TENM4: variants seen among roughly 807,000 people sequenced by gnomAD.
TENM4 encodes teneurin transmembrane protein 4.
A neutral mutation model predicts 243.3 loss-of-function variants in TENM4; 82 were observed. The observed-to-expected ratio is 0.34, with a 90% CI of 0.28 to 0.40. TENM4 has a LOEUF of 0.40. Among genes scored for constraint, TENM4 ranks in the 10% least tolerant of loss-of-function variants. The pLI is 1.00. For missense variants in TENM4, 3,138 were observed against 3,673.3 expected, an observed-to-expected ratio of 0.85 and a Z score of 3.77; for synonymous variants, 1,412 against 1,456.3, an observed-to-expected ratio of 0.97 and a Z score of 0.69.
chr11:78,974,241 C>T (rs1260360458), intron 6 of TENM4, among the ~76,000 whole-genome samples: 3 of 152,174 alleles, frequency 2.0e-5, no homozygotes, highest in African/African-American at 4.8e-5. Context: ...CCGATTTTGA[C>T]CTAATGACCT....
rs373405918 is a variant in TENM4 at position 78,838,210 on chromosome 11, C to T, written c.1681+15894G>A. Among the ~76,000 whole-genome samples the T allele has an allele frequency of 1.1e-4, 16 of 152,248 alleles. No individual in the cohort carries two copies. In the South Asian group the frequency reaches 1.7e-3, roughly 16 times the overall value. On this transcript the variant is annotated intron_variant, in intron 12 of 33. Coordinates refer to ENST00000278550, the MANE Select transcript of TENM4 (RefSeq NM_001098816.3). ...TCATGTATGTTTATTGCGTACTATA[C>T]ATTTTTTAAAGCTTTTCTACACATA...
At chr11:79,380,256 A>G (rs1857973733) in intron 1 of TENM4, among the ~76,000 whole-genome samples, 1 of 149,816 alleles carries the variant, frequency 6.7e-6, no homozygotes, top group South Asian at 2.1e-4. Flanking sequence ...ATAAGTTATC[A>G]ATAGTTCTTG....
chr11:78,849,010 AT>A (rs2136191866), intron 12 of TENM4, among the ~76,000 whole-genome samples: 1 of 152,216 alleles, frequency 6.6e-6, no homozygotes, highest in Non-Finnish European at 1.5e-5. Flanking sequence ...CAGTCCCTAC[AT>A]TTTCTAACAG....
In TENM4 at chr11:78,812,161, T is replaced by C. The variant is rs773017104; in HGVS notation, c.1939A>G (p.Ile647Val). The C allele has an allele frequency of 6.4e-7, 1 of 1,551,744 alleles. No individual in the cohort carries two copies. Among genetic ancestry groups the C allele is most frequent in the South Asian group, 1.2e-5 (1 of 84,054 alleles). The change falls in exon 14 of 34, where the codon ATC (isoleucine) becomes GTC (valine). Residue 647 changes from isoleucine (I) to valine (V), a missense_variant. By Grantham distance (29) the Ile-to-Val change is conservative. This residue lies in a region of TENM4 where 2,467 missense variants were observed against 3,059.1 expected (regional missense o/e 0.81). Coordinates refer to ENST00000278550, the MANE Select transcript of TENM4 (RefSeq NM_001098816.3). ...TCGCCCTTGTAGCCAGGGTTGCAGATGCAGGTGCCCGTGATGCAGGTGCCA... is the reference window on the plus strand; with the variant it reads ...TCGCCCTTGTAGCCAGGGTTGCAGACGCAGGTGCCCGTGATGCAGGTGCCA... ...NHGTCITGTC[I>V]CNPGYKGESC...
Position 79,321,959 on chromosome 11 carries a change from C to T in TENM4, c.-320-24416G>A, listed in dbSNP as rs1856897927. Among the ~76,000 whole-genome samples, 5 of 152,060 alleles carry T rather than the reference C, an allele frequency of 3.3e-5. No individual in the cohort carries two copies. The South Asian group carries it at 1.0e-3, about 32-fold the overall frequency. ...CAGATGAGGATGTACCATGTCTGGG[C>T]CAAAATGGGATTACATAGGGCCTGG... On this transcript the variant is annotated intron_variant, in intron 1 of 33. Transcript: ENST00000278550.
chr11:78,832,058 G>C (rs1348780985), intron 12 of TENM4, among the ~76,000 whole-genome samples: 1 of 152,232 alleles, frequency 6.6e-6, no homozygotes, highest in Non-Finnish European at 1.5e-5. Flanking sequence ...GATAACTGAT[G>C]TTCTCAAGGT....
chr11:78,839,471 G>A (rs920323332), intron 12 of TENM4, among the ~76,000 whole-genome samples: 4 of 151,838 alleles, frequency 2.6e-5, no homozygotes, highest in Non-Finnish European at 5.9e-5. Context: ...GAAATCTATT[G>A]ACTTTTGGAA....
intron 15 of TENM4, among the ~76,000 whole-genome samples, chr11:78,792,342 A>T (rs2136051927): frequency 6.6e-6 from 1 of 152,354 alleles, no homozygotes; most frequent in Non-Finnish European, 1.5e-5. Context: ...AAACCTAGGT[A>T]GAAGCCATTT....
intron 1 of TENM4, among the ~76,000 whole-genome samples, chr11:79,363,411 A>G (rs1857624089): frequency 6.6e-6 from 1 of 152,258 alleles, no homozygotes; most frequent in African/African-American, 2.4e-5. Context: ...CATTATCAGA[A>G]AATAACCTGC....
rs138792201 is a variant in TENM4 at position 79,202,750 on chromosome 11, T to C, written c.-163+13058A>G. On this transcript the variant is annotated intron_variant, in intron 3 of 33. Transcript: ENST00000278550. ...AAGAGCAGTGCTCTGGGCTTTTCAC[T>C]CACACACAGCTTAGCTCCCAGACAA... 4.1e-4 allele frequency among the ~76,000 whole-genome samples: 62 copies of C among 152,256 alleles called. No individual in the cohort carries two copies. In the Middle Eastern group the frequency reaches 0.01, roughly 25 times the overall value.
intron 1 of TENM4, among the ~76,000 whole-genome samples, chr11:79,355,891 C>A (rs1461285159): frequency 1.3e-5 from 2 of 152,214 alleles, no homozygotes; most frequent in Non-Finnish European, 2.9e-5. Context: ...TTATGCAATA[C>A]AGTATTTGTC....
At chr11:79,145,564 A>G (rs72935335) in intron 4 of TENM4, among the ~76,000 whole-genome samples, 8,404 of 152,154 alleles carry the variant, frequency 0.055, 334 homozygotes, top group Non-Finnish European at 0.078. Context: ...GCAATATTCC[A>G]CTATGTGAAT....
intron 6 of TENM4, among the ~76,000 whole-genome samples, chr11:78,980,829 A>G (rs1857776356): frequency 6.6e-6 from 1 of 152,208 alleles, no homozygotes; most frequent in African/African-American, 2.4e-5. Context: ...TTGATTTGCT[A>G]CCTGCTCTGT....
intron 23 of TENM4, among the ~76,000 whole-genome samples, chr11:78,724,686 G>C (rs1855474712): frequency 6.6e-6 from 1 of 152,118 alleles, no homozygotes; most frequent in Non-Finnish European, 1.5e-5. Flanking sequence ...TATTTAGCTG[G>C]GCACGTGACT....
Position 78,903,492 on chromosome 11 carries a change from C to T in TENM4, c.525G>A (p.Arg175=). The change falls in exon 7 of 34, where the codon CGG becomes CGA. Residue 175 remains arginine (R), a synonymous_variant. Transcript: ENST00000278550. ...DHPGGLQNHA[R]LRTPPPPLSH... is the part of the protein sequence containing the mutation. Reference sequence around the variant, plus strand: ...AGAGCGGCGGCGGCGGCGTCCGGAGCCGCGCGTGGTTCTGCAGGCCGCCCG... The same window carrying T: ...AGAGCGGCGGCGGCGGCGTCCGGAGTCGCGCGTGGTTCTGCAGGCCGCCCG... 3.2e-6 allele frequency: 5 copies of T among 1,547,300 alleles called. No individual in the cohort carries two copies. The highest frequency in any genetic ancestry group is 4.4e-6 in the Non-Finnish European group (5 of 1,146,260).
At chr11:79,044,586 G>C (rs1430891944) in intron 6 of TENM4, among the ~76,000 whole-genome samples, 3 of 152,218 alleles carry the variant, frequency 2.0e-5, no homozygotes, top group African/African-American at 7.2e-5. Flanking sequence ...TGCTGGGCCT[G>C]AAACTATTAT....
intron 3 of TENM4, among the ~76,000 whole-genome samples, chr11:79,200,490 C>A (rs914727224): frequency 3.3e-5 from 5 of 152,164 alleles, no homozygotes; most frequent in African/African-American, 1.2e-4. Flanking sequence ...CAAACTTGGC[C>A]CAGGAAGGGC....
intron 1 of TENM4, among the ~76,000 whole-genome samples, chr11:79,371,138 G>C (rs910140437): frequency 6.6e-6 from 1 of 152,248 alleles, no homozygotes; most frequent in Non-Finnish European, 1.5e-5. Context: ...AAAATAGAGA[G>C]CTCTGTCTCA....
At chr11:79,245,131 C>T (rs914941503) in intron 2 of TENM4, among the ~76,000 whole-genome samples, 2 of 152,196 alleles carry the variant, frequency 1.3e-5, no homozygotes, top group African/African-American at 4.8e-5. Context: ...ATCTTCTGAG[C>T]TGACTGAATG....
Sources: gnomAD v4.1 joint callset for allele counts (sites outside exome capture counted in the v4.1 genomes callset) on GRCh38, gnomAD v4.1.1 for gene constraint, gnomAD v4.1.1 regional missense constraint, MANE v1.5 for transcripts, NCBI Gene and HGNC (gene_info 2026-07-23, HGNC 2026-07-21) for gene names.